ANKS1B: variants seen among roughly 807,000 people sequenced by gnomAD.
ANKS1B encodes ankyrin repeat and sterile alpha motif domain containing 1B.
A neutral mutation model predicts 148.3 loss-of-function variants in ANKS1B; 36 were observed. The ratio of observed to expected loss-of-function variants is 0.24; its 90% confidence interval spans 0.19 to 0.32. The LOEUF (loss-of-function observed/expected upper bound fraction) is 0.32. Among genes scored for constraint, ANKS1B ranks in the 10% least tolerant of loss-of-function variants. ANKS1B has a pLI of 1.00. For synonymous variants in ANKS1B, 542 were observed against 560.8 expected (o/e 0.97, Z 0.47); for missense variants, 1,157 against 1,542.6 (o/e 0.75, Z 4.19).
chr12:99,527,948 T>C (rs964132475), intron 9 of ANKS1B, among the ~76,000 whole-genome samples: 3 of 149,372 alleles, frequency 2.0e-5, no homozygotes, highest in African/African-American at 4.9e-5. Flanking sequence ...GTTGGAAGCA[T>C]CACATTACCT....
At chr12:99,833,331 T>G (rs1348623222) in intron 1 of ANKS1B, among the ~76,000 whole-genome samples, 6 of 152,168 alleles carry the variant, frequency 3.9e-5, no homozygotes, top group Non-Finnish European at 8.8e-5. Flanking sequence ...TAAGAGCTCT[T>G]GTAACAGGTG....
chr12:99,199,006 C>T (rs1038618325), intron 14 of ANKS1B, among the ~76,000 whole-genome samples: 3 of 152,112 alleles, frequency 2.0e-5, no homozygotes, highest in African/African-American at 7.2e-5. Flanking sequence ...TGTGGAGGGG[C>T]CCATTAGAGA....
intron 17 of ANKS1B, among the ~76,000 whole-genome samples, chr12:98,913,863 T>C (rs1343684460): frequency 1.3e-5 from 2 of 152,202 alleles, no homozygotes; most frequent in Non-Finnish European, 2.9e-5. Flanking sequence ...ACTCTTGACC[T>C]CAGGTGATTT....
At chr12:98,745,871 G>A (rs767167436) in intron 26 of ANKS1B, 22 bp from the exon 27 acceptor site, 2 of 1,608,560 alleles carry the variant, frequency 1.2e-6, no homozygotes, top group Admixed American at 3.4e-5. Context: ...AAAGGCTGAT[G>A]CCTGTTATAC....
intron 10 of ANKS1B, among the ~76,000 whole-genome samples, chr12:99,470,114 C>CTAATAATAATAATAATAA (rs369653175): frequency 1.4e-4 from 20 of 148,090 alleles, no homozygotes; most frequent in African/African-American, 4.5e-4. Context: ...GACTCTGTCT[C>CTAATAATAATAATAATAA]TAATAATAAT....
chr12:99,248,791 A>G (rs1306525124), intron 12 of ANKS1B, among the ~76,000 whole-genome samples: 1 of 152,220 alleles, frequency 6.6e-6, no homozygotes, highest in Admixed American at 6.5e-5. Flanking sequence ...TCTGACATCC[A>G]TTGGCCTTGC....
intron 9 of ANKS1B, among the ~76,000 whole-genome samples, chr12:99,504,892 A>G (rs1368924928): frequency 6.6e-6 from 1 of 152,056 alleles, no homozygotes; most frequent in African/African-American, 2.4e-5. Flanking sequence ...TGTAATATAT[A>G]TCTATTATCT....
chr12:99,731,422 G>C lies in ANKS1B; in HGVS notation c.1128+41500C>G, dbSNP rs910062680. 2.3e-3 allele frequency among the ~76,000 whole-genome samples: 212 copies of C among 93,834 alleles called. 2 individuals are homozygous for C. The highest frequency in any genetic ancestry group is 5.7e-3 in the South Asian group (16 of 2,814). The allele number at this position is 93,834 out of a possible 152,430, so 61.6% of individuals were successfully genotyped here. ...GCGTGAACCACCGTGCCGTGTGTGT[G>C]TGTGTGTGTGTGTGTGTGTGTGTGT... On this transcript the variant is annotated intron_variant, in intron 8 of 26. Coordinates refer to ENST00000683438, the MANE Select transcript of ANKS1B (RefSeq NM_001352186.2).
At chr12:99,382,944 G>A (rs943749461) in intron 12 of ANKS1B, among the ~76,000 whole-genome samples, 1 of 152,058 alleles carries the variant, frequency 6.6e-6, no homozygotes, top group Non-Finnish European at 1.5e-5. Flanking sequence ...AGGAGAGTAA[G>A]CAGCCTCCCT....
intron 17 of ANKS1B, among the ~76,000 whole-genome samples, chr12:98,910,060 CTT>C (rs533484815): frequency 6.6e-6 from 1 of 152,208 alleles, no homozygotes. Flanking sequence ...GGTTTTAACT[CTT>C]TTCCTGACAG....
chr12:99,422,631 T>C (rs2095124872), intron 11 of ANKS1B, among the ~76,000 whole-genome samples: 1 of 152,028 alleles, frequency 6.6e-6, no homozygotes, highest in Non-Finnish European at 1.5e-5. Flanking sequence ...AGACAGCACA[T>C]GTAAGGAACT....
chr12:98,993,391 A>G (rs990796101), intron 17 of ANKS1B, among the ~76,000 whole-genome samples: 11 of 152,138 alleles, frequency 7.2e-5, no homozygotes, highest in African/African-American at 2.7e-4. Flanking sequence ...CTGGTCTCCA[A>G]TTCCTGGCCT....
chr12:99,802,144 C>T (rs2067027403), intron 4 of ANKS1B, among the ~76,000 whole-genome samples: 1 of 152,180 alleles, frequency 6.6e-6, no homozygotes, highest in Admixed American at 6.5e-5. Context: ...AGTTTTGCAT[C>T]TTAACAGCTC....
rs945314207 is a variant in ANKS1B at position 99,154,653 on chromosome 12, C to T, written c.2420-258G>A. On this transcript the variant is annotated intron_variant, in intron 14 of 26. Coordinates refer to ENST00000683438, the MANE Select transcript of ANKS1B (RefSeq NM_001352186.2). ...CTTACATATTAATCTTTACTACCGA[C>T]CAGTACGTCATACAGCCCCCAAAAC... is the stretch of plus-strand genomic sequence containing the variant. 73 of 1,441,384 alleles carry T rather than the reference C, an allele frequency of 5.1e-5. No individual in the cohort carries two copies. In the African/African-American group the frequency reaches 9.9e-4, roughly 20 times the overall value. 89.3% of individuals were successfully genotyped at this position (1,441,384 alleles called of 1,614,324 possible). A position where few individuals can be genotyped will look rare whatever the true frequency, so the allele number is the denominator to read the frequency against.
At chr12:99,368,285 G>A (rs1301020133) in intron 12 of ANKS1B, among the ~76,000 whole-genome samples, 3 of 152,032 alleles carry the variant, frequency 2.0e-5, no homozygotes, top group South Asian at 2.1e-4. Context: ...CTATGTTCAC[G>A]ACCTAGGTGA....
At chr12:99,112,125 A>G (rs1244626936) in intron 15 of ANKS1B, among the ~76,000 whole-genome samples, 1 of 152,132 alleles carries the variant, frequency 6.6e-6, no homozygotes, top group Non-Finnish European at 1.5e-5. Context: ...GAGGAAGTAA[A>G]GGCCCGTGCA....
chr12:99,272,277 G>C, intron 12 of ANKS1B, among the ~76,000 whole-genome samples: 1 of 152,118 alleles, frequency 6.6e-6, no homozygotes, highest in Non-Finnish European at 1.5e-5. Context: ...ATCTTTGTTA[G>C]ACATAATAGA....
intron 12 of ANKS1B, among the ~76,000 whole-genome samples, chr12:99,311,116 T>G (rs929790832): frequency 6.6e-6 from 1 of 152,174 alleles, no homozygotes; most frequent in Non-Finnish European, 1.5e-5. Context: ...AGAAAATGTA[T>G]TTTCAGGTGG....
intron 15 of ANKS1B, 26 bp downstream of exon 15, chr12:99,154,263 C>T (rs1268254306): frequency 1.9e-6 from 3 of 1,612,424 alleles, no homozygotes; most frequent in Non-Finnish European, 2.5e-6. Context: ...CAAAAGGCAG[C>T]TCCGTGGACA....
Sources: gnomAD v4.1 joint callset for allele counts (sites outside exome capture counted in the v4.1 genomes callset) on GRCh38, gnomAD v4.1.1 for gene constraint, MANE v1.5 for transcripts, NCBI Gene and HGNC (gene_info 2026-07-23, HGNC 2026-07-21) for gene names.